Variants in KLHL4 observed in about 807,000 individuals in gnomAD.
The protein encoded by KLHL4 is kelch like family member 4, also known as kelch-like protein 4.
In KLHL4, 17 loss-of-function variants were observed where a neutral mutation model predicts 45.8. That is an observed-to-expected ratio of 0.37 (90% CI 0.25 to 0.56). The LOEUF is 0.56. KLHL4 is among the 20% of genes least tolerant of loss of function. The pLI, the probability that KLHL4 is intolerant of heterozygous loss-of-function variation, is 0.79. For missense variants in KLHL4, 544 were observed against 544.9 expected, an observed-to-expected ratio of 1.00 and a Z score of 0.02; for synonymous variants, 224 against 189.9, an observed-to-expected ratio of 1.18 and a Z score of -1.47.
At chrX:87,555,263 C>T (rs1602414403) in intron 1 of KLHL4, among the ~76,000 whole-genome samples, 2 of 108,835 alleles carry the variant, frequency 1.8e-5, no homozygotes, top group East Asian at 5.9e-4. Context: ...CCCTCTTTTT[C>T]TATTGATTGG....
At chrX:87,559,745 T>C (rs1464907182) in intron 1 of KLHL4, among the ~76,000 whole-genome samples, 2 of 110,307 alleles carry the variant, frequency 1.8e-5, no homozygotes, top group Admixed American at 1.9e-4. Flanking sequence ...CAACTGCTTT[T>C]AAGTTGCTTA....
Position 87,669,459 on chromosome X carries a change from C to T in KLHL4, c.*2925C>T. 1.7e-6 allele frequency: 2 copies of T among 1,174,878 alleles called. No individual in the cohort carries two copies. Among genetic ancestry groups the T allele is most frequent in the Non-Finnish European group, 2.3e-6 (2 of 873,648 alleles). On this transcript the variant is annotated 3_prime_UTR_variant, in exon 11 of 11. Coordinates refer to ENST00000373119, the MANE Select transcript of KLHL4 (RefSeq NM_019117.5). ...TCTGACTCAGGTGTGGCTGTTGCCC[C>T]TTTTTGATATGGAGGGAACACTGAA... is the stretch of plus-strand genomic sequence containing the variant.
chrX:87,592,841 A>C (rs1007275994), intron 1 of KLHL4, among the ~76,000 whole-genome samples: 1 of 111,934 alleles, frequency 8.9e-6, no homozygotes, highest in Non-Finnish European at 1.9e-5. Flanking sequence ...ATAGTTTGCA[A>C]ATATTTTATC....
chrX:87,537,410 TTA>T (rs1039741295), intron 1 of KLHL4, among the ~76,000 whole-genome samples: 1 of 111,452 alleles, frequency 9.0e-6, no homozygotes, highest in Non-Finnish European at 1.9e-5. Context: ...TGTTTTGATT[TTA>T]TGTTTTCAAC....
At chrX:87,655,297 A>G (rs1466009398) in intron 9 of KLHL4, among the ~76,000 whole-genome samples, 1 of 111,775 alleles carries the variant, frequency 8.9e-6, no homozygotes, top group Non-Finnish European at 1.9e-5. Context: ...ATGTTGAAGT[A>G]CCCCACTATT....
intron 8 of KLHL4, among the ~76,000 whole-genome samples, chrX:87,634,155 T>C (rs756373908): frequency 6.2e-5 from 7 of 112,028 alleles, no homozygotes; most frequent in Non-Finnish European, 1.9e-5. Context: ...AGCATCCACC[T>C]TTCGTATTTA....
At chrX:87,656,101 C>A (rs1253629270) in intron 9 of KLHL4, among the ~76,000 whole-genome samples, 2 of 110,756 alleles carry the variant, frequency 1.8e-5, no homozygotes, top group Non-Finnish European at 3.8e-5. Flanking sequence ...ATATGCTTTT[C>A]TTTTGCTGAT....
chrX:87,669,184 T>G lies in KLHL4; in HGVS notation c.*2650T>G. The G allele has an allele frequency of 9.3e-7, 1 of 1,074,701 alleles. No homozygotes were observed. The highest frequency in any genetic ancestry group is 1.2e-6 in the Non-Finnish European group (1 of 825,322). The allele number at this position is 1,074,701 out of a possible 1,213,427, so 88.6% of individuals were successfully genotyped here. On this transcript the variant is annotated 3_prime_UTR_variant, in exon 11 of 11. Transcript: ENST00000373119. ...AGAGTGTAAGGGCTCACACATTTACTGTACTCAGATCTGAAAGACAATGTT... is the reference window on the plus strand; with the variant it reads ...AGAGTGTAAGGGCTCACACATTTACGGTACTCAGATCTGAAAGACAATGTT...
At chrX:87,602,602 G>A (rs1055193121) in intron 1 of KLHL4, among the ~76,000 whole-genome samples, 3 of 111,705 alleles carry the variant, frequency 2.7e-5, no homozygotes, top group Non-Finnish European at 5.6e-5. Context: ...GTATAGCCTA[G>A]GTGTGTAGTA....
intron 10 of KLHL4, among the ~76,000 whole-genome samples, chrX:87,665,987 C>G (rs190700305): frequency 1.8e-5 from 2 of 111,596 alleles, no homozygotes; most frequent in South Asian, 7.5e-4. Flanking sequence ...ATACAATAAT[C>G]AAGATGTTTG....
intron 1 of KLHL4, among the ~76,000 whole-genome samples, chrX:87,578,010 AC>A (rs1235235058): frequency 9.0e-6 from 1 of 111,606 alleles, no homozygotes; most frequent in Admixed American, 9.6e-5. Context: ...ATATATTCTT[AC>A]AAAAATTTAT....
At chrX:87,612,300 T>C (rs1229324559) in intron 1 of KLHL4, among the ~76,000 whole-genome samples, 1 of 111,851 alleles carries the variant, frequency 8.9e-6, no homozygotes, top group Non-Finnish European at 1.9e-5. Flanking sequence ...CCATTTTTCA[T>C]CTTTTATATT....
At chrX:87,604,519 A>G (rs1424081336) in intron 1 of KLHL4, among the ~76,000 whole-genome samples, 1 of 110,261 alleles carries the variant, frequency 9.1e-6, no homozygotes, top group East Asian at 2.8e-4. Context: ...TTTCCTTGAT[A>G]ATTAGTGATA....
chrX:87,647,597 T>G (rs1362428878), intron 9 of KLHL4, among the ~76,000 whole-genome samples: 2 of 111,849 alleles, frequency 1.8e-5, no homozygotes, highest in Non-Finnish European at 3.8e-5. Context: ...ATGGATGGAA[T>G]TGGAGACCAT....
chrX:87,637,578 C>CAAAT (rs933462333), intron 9 of KLHL4, among the ~76,000 whole-genome samples: 30 of 110,889 alleles, frequency 2.7e-4, no homozygotes, highest in Admixed American at 8.7e-4. Context: ...TTAAACACAT[C>CAAAT]AAATAAATAA....
chrX:87,527,352 C>CT (rs1222779500), intron 1 of KLHL4, among the ~76,000 whole-genome samples: 1 of 111,777 alleles, frequency 8.9e-6, no homozygotes, highest in East Asian at 2.8e-4. Context: ...CCAATAACCA[C>CT]TTATACTCTT....
intron 1 of KLHL4, among the ~76,000 whole-genome samples, chrX:87,613,238 G>T (rs959997542): frequency 2.7e-5 from 3 of 111,912 alleles, no homozygotes; most frequent in African/African-American, 9.7e-5. Flanking sequence ...AAGCCTGTGT[G>T]TACTTGTGTT....
chrX:87,668,448 A>T lies in KLHL4; in HGVS notation c.*1914A>T. 1.3e-6 allele frequency: 1 copy of T among 753,046 alleles called. No individual in the cohort carries two copies. Among genetic ancestry groups the T allele is most frequent in the African/African-American group, 2.3e-5 (1 of 43,885 alleles). The allele number at this position is 753,046 out of a possible 1,213,427, so 62.1% of individuals were successfully genotyped here. A position where few individuals can be genotyped will look rare whatever the true frequency, so the allele number is the denominator to read the frequency against. Reference sequence around the variant, plus strand: ...TTAAGTATTGACTCATAGAAGAGACATGTATGTTTCCCGGGGCTACCCCTT... The same window carrying T: ...TTAAGTATTGACTCATAGAAGAGACTTGTATGTTTCCCGGGGCTACCCCTT... On this transcript the variant is annotated 3_prime_UTR_variant, in exon 11 of 11. Transcript: ENST00000373119.
In KLHL4 at chrX:87,668,074, T is replaced by A; in HGVS notation, c.*1540T>A. On this transcript the variant is annotated 3_prime_UTR_variant, in exon 11 of 11. Transcript: ENST00000373119. ...TCTTACACCTGCCATTGTCTCTAATTCTAAAGAGAGAGCTATAGATTTCTG... is the reference window on the plus strand; with the variant it reads ...TCTTACACCTGCCATTGTCTCTAATACTAAAGAGAGAGCTATAGATTTCTG... 1 of 747,746 alleles carries A rather than the reference T, an allele frequency of 1.3e-6. No individual in the cohort carries two copies. The highest frequency in any genetic ancestry group is 1.6e-6 in the Non-Finnish European group (1 of 633,282). 61.6% of individuals were successfully genotyped at this position (747,746 alleles called of 1,213,427 possible).
Sources: allele counts gnomAD v4.1 joint callset (sites outside exome capture counted in the v4.1 genomes callset), GRCh38; gene constraint gnomAD v4.1.1; transcripts MANE v1.5; gene names NCBI Gene and HGNC (gene_info 2026-07-23, HGNC 2026-07-21).